Variants in INSYN2B observed in about 807,000 individuals in gnomAD.
INSYN2B encodes the protein inhibitory synaptic factor family member 2B.
INSYN2B carries 16 observed loss-of-function variants against 41.2 expected under a neutral mutation model. The ratio of observed to expected loss-of-function variants is 0.39; its 90% confidence interval spans 0.26 to 0.59. The LOEUF is 0.59. INSYN2B is among the 20% of genes least tolerant of loss of function. The probability of loss-of-function intolerance (pLI) is 0.57; values close to 1 mark genes in which losing one functional copy is unlikely to be tolerated. For synonymous variants in INSYN2B, 245 were observed against 244.4 expected (o/e 1.00, Z -0.02); for missense variants, 608 against 646.4 (o/e 0.94, Z 0.64).
At chr5:169,951,128 C>T (rs1317655748) in intron 1 of INSYN2B, among the ~76,000 whole-genome samples, 1 of 152,170 alleles carries the variant, frequency 6.6e-6, no homozygotes, top group Non-Finnish European at 1.5e-5. Flanking sequence ...CCTTTCCCTC[C>T]CTGGCTGCTC....
At chr5:169,866,931 A>C (rs1561777708) in intron 3 of INSYN2B, among the ~76,000 whole-genome samples, 2 of 152,184 alleles carry the variant, frequency 1.3e-5, no homozygotes, top group African/African-American at 4.8e-5. Context: ...CAGAGATAGC[A>C]TCAGATTCCA....
At chr5:169,901,463 G>T (rs1773920208) in intron 1 of INSYN2B, among the ~76,000 whole-genome samples, 2 of 152,140 alleles carry the variant, frequency 1.3e-5, no homozygotes, top group South Asian at 4.1e-4. Context: ...GTGTGTAGGA[G>T]AGAGGTATAT....
intron 1 of INSYN2B, among the ~76,000 whole-genome samples, chr5:169,956,057 C>G (rs1210488309): frequency 1.3e-5 from 2 of 150,858 alleles, no homozygotes; most frequent in Non-Finnish European, 2.9e-5. Flanking sequence ...AAAAAAAGAG[C>G]CCAGGCTTGG....
rs141845747 is a variant in INSYN2B at position 169,878,979 on chromosome 5, T to G, written c.1421+2389A>C. 1.6e-3 allele frequency among the ~76,000 whole-genome samples: 245 copies of G among 152,214 alleles called. 1 individual carries two copies. Among genetic ancestry groups the G allele is most frequent in the African/African-American group, 5.6e-3 (234 of 41,534 alleles). The stretch of plus-strand genomic sequence containing the variant: ...GGTGAGATAGGATGTATCCAAGTGT[T>G]CAATGGTAAGAGGAGAGCCAAGGAG... On this transcript the variant is annotated intron_variant, in intron 3 of 3. Coordinates refer to ENST00000377365, the MANE Select transcript of INSYN2B (RefSeq NM_001129891.3).
intron 3 of INSYN2B, among the ~76,000 whole-genome samples, chr5:169,872,209 T>C (rs1772022184): frequency 6.6e-6 from 1 of 152,192 alleles, no homozygotes; most frequent in Non-Finnish European, 1.5e-5. Flanking sequence ...CACCACTGAT[T>C]TACTGACCTC....
intron 1 of INSYN2B, among the ~76,000 whole-genome samples, chr5:169,894,284 A>G (rs918590835): frequency 6.6e-6 from 1 of 152,220 alleles, no homozygotes; most frequent in Non-Finnish European, 1.5e-5. Flanking sequence ...AAATTTCATT[A>G]GATCAGAGAG....
chr5:169,869,615 G>T (rs554440310), intron 3 of INSYN2B, among the ~76,000 whole-genome samples: 1 of 152,180 alleles, frequency 6.6e-6, no homozygotes, highest in South Asian at 2.1e-4. Context: ...TTGAGGCTGG[G>T]TAGAAAAGAG....
intron 1 of INSYN2B, among the ~76,000 whole-genome samples, chr5:169,907,834 G>A (rs879502360): frequency 5.3e-5 from 8 of 152,308 alleles, no homozygotes; most frequent in Admixed American, 1.3e-4. Flanking sequence ...CTGGGAGGGG[G>A]TGCTACTGGC....
intron 1 of INSYN2B, among the ~76,000 whole-genome samples, chr5:169,954,554 G>T (rs1464201127): frequency 6.6e-6 from 1 of 152,200 alleles, no homozygotes; most frequent in Non-Finnish European, 1.5e-5. Flanking sequence ...CAGAGCCTGG[G>T]TGCAGAAGGG....
At chr5:169,935,919 C>G (rs1775971857) in intron 1 of INSYN2B, among the ~76,000 whole-genome samples, 3 of 152,152 alleles carry the variant, frequency 2.0e-5, no homozygotes, top group African/African-American at 7.2e-5. Flanking sequence ...TCAGCTACAT[C>G]CTCAAATGGT....
At chr5:169,944,917 C>T (rs1332919165) in intron 1 of INSYN2B, among the ~76,000 whole-genome samples, 2 of 152,220 alleles carry the variant, frequency 1.3e-5, no homozygotes, top group Admixed American at 6.5e-5. Flanking sequence ...TGTCTCTTGT[C>T]TGCTACATGT....
At chr5:169,915,775 G>A (rs1774843137) in intron 1 of INSYN2B, among the ~76,000 whole-genome samples, 1 of 152,146 alleles carries the variant, frequency 6.6e-6, no homozygotes, top group African/African-American at 2.4e-5. Context: ...TTACTGAAGA[G>A]TCTACATATG....
At chr5:169,865,251 G>A (rs750284960) in intron 3 of INSYN2B, among the ~76,000 whole-genome samples, 17 of 152,164 alleles carry the variant, frequency 1.1e-4, no homozygotes, top group Admixed American at 2.6e-4. Flanking sequence ...GCATTGTCCC[G>A]TGCTGATTAT....
intron 1 of INSYN2B, among the ~76,000 whole-genome samples, chr5:169,954,918 C>T (rs188798810): frequency 5.9e-5 from 9 of 152,286 alleles, no homozygotes; most frequent in East Asian, 3.9e-4. Context: ...TATGAGCAGA[C>T]GTTTTCACCA....
At chr5:169,933,271 TAGGACAGTGGCTGTCA>T (rs1775840685) in intron 1 of INSYN2B, among the ~76,000 whole-genome samples, 1 of 152,202 alleles carries the variant, frequency 6.6e-6, no homozygotes, top group South Asian at 2.1e-4. Context: ...GGTTAGCCTG[TAGGACAGTGGCTGTCA>T]GCCCTGGCTG....
At chr5:169,870,303 C>T (rs150584001) in intron 3 of INSYN2B, among the ~76,000 whole-genome samples, 2 of 152,278 alleles carry the variant, frequency 1.3e-5, no homozygotes, top group East Asian at 3.9e-4. Context: ...CGCTGAAAAG[C>T]AGAAAGATGT....
chr5:169,925,392 C>T (rs1362520575), intron 1 of INSYN2B, among the ~76,000 whole-genome samples: 5 of 151,972 alleles, frequency 3.3e-5, no homozygotes, highest in South Asian at 2.1e-4. Flanking sequence ...CCAGCCTGGC[C>T]AACATGGTGA....
chr5:169,870,372 A>G (rs775334717), intron 3 of INSYN2B, among the ~76,000 whole-genome samples: 6 of 152,144 alleles, frequency 3.9e-5, no homozygotes, highest in Non-Finnish European at 5.9e-5. Flanking sequence ...GGAAGAAGAA[A>G]CAGTGAGTAA....
intron 1 of INSYN2B, among the ~76,000 whole-genome samples, chr5:169,967,550 A>T (rs780970402): frequency 6.6e-6 from 1 of 152,232 alleles, no homozygotes; most frequent in Non-Finnish European, 1.5e-5. Flanking sequence ...GGACCAGGTC[A>T]TGCAGGGAAC....
Sources: gnomAD v4.1 joint callset for allele counts (sites outside exome capture counted in the v4.1 genomes callset) on GRCh38, gnomAD v4.1.1 for gene constraint, MANE v1.5 for transcripts, NCBI Gene and HGNC (gene_info 2026-07-23, HGNC 2026-07-21) for gene names.